Variants in LMO7 observed in about 807,000 individuals in gnomAD.
LMO7 encodes LIM domain 7.
A neutral mutation model predicts 206.5 loss-of-function variants in LMO7; 120 were observed. The observed-to-expected ratio is 0.58, with a 90% CI of 0.50 to 0.68. The LOEUF (loss-of-function observed/expected upper bound fraction) is 0.68. Ranked by LOEUF, LMO7 falls within the 30% of genes least tolerant of loss-of-function variation. LMO7 has a pLI of 0.00. For synonymous variants in LMO7, 706 were observed against 681.5 expected, an observed-to-expected ratio of 1.04 and a Z score of -0.56; for missense variants, 1,959 against 1,957.9, an observed-to-expected ratio of 1.00 and a Z score of -0.01.
At chr13:75,805,325 T>C (rs1309133295) in intron 8 of LMO7, 154 bp from the exon 9 acceptor site, 1 of 960,524 alleles carries the variant, frequency 1.0e-6, no homozygotes, top group African/African-American at 1.7e-5. Context: ...GCTGTTATAA[T>C]AACTTTGTCC....
chr13:75,816,891 C>G, intron 11 of LMO7: 1 of 250,834 alleles, frequency 4.0e-6, no homozygotes. Context: ...TGTTTGTTTG[C>G]TTGTTTTTTG....
rs186587590 is a variant in LMO7 at position 75,697,902 on chromosome 13, A to T, written c.70-15280A>T. 4.1e-4 allele frequency among the ~76,000 whole-genome samples: 63 copies of T among 152,274 alleles called. 1 individual carries two copies. The highest frequency in any genetic ancestry group is 7.2e-4 in the Admixed American group (11 of 15,286). ...AAGGCCCTAGAAAGAATCTAGGAAAAACTGTTTCTGCAAGTTGTTTGAGGA... is the reference window on the plus strand; with the variant it reads ...AAGGCCCTAGAAAGAATCTAGGAAATACTGTTTCTGCAAGTTGTTTGAGGA... On this transcript the variant is annotated intron_variant, in intron 1 of 30. Coordinates refer to ENST00000377534, the MANE Select transcript of LMO7 (RefSeq NM_001306080.2).
chr13:75,700,722 T>G lies in LMO7; in HGVS notation c.70-12460T>G, dbSNP rs759921771. Reference sequence around the variant, plus strand: ...CAAACCAAGAAGACTGCTAAGAGACTCATGGGCAGGGAGCACATGCAGTGT... The same window carrying G: ...CAAACCAAGAAGACTGCTAAGAGACGCATGGGCAGGGAGCACATGCAGTGT... On this transcript the variant is annotated intron_variant, in intron 1 of 30. Coordinates refer to ENST00000377534, the MANE Select transcript of LMO7 (RefSeq NM_001306080.2). 6.6e-5 allele frequency among the ~76,000 whole-genome samples: 10 copies of G among 152,218 alleles called. 1 individual carries two copies. The highest frequency in any genetic ancestry group is 1.3e-4 in the Non-Finnish European group (9 of 68,040).
At chr13:75,670,110 T>A (rs926301667) in intron 1 of LMO7, among the ~76,000 whole-genome samples, 1 of 152,166 alleles carries the variant, frequency 6.6e-6, no homozygotes, top group African/African-American at 2.4e-5. Context: ...TACATACACC[T>A]CTCTCCTCCT....
At chr13:75,829,297 A>T (rs1338949644) in intron 15 of LMO7, among the ~76,000 whole-genome samples, 1 of 152,198 alleles carries the variant, frequency 6.6e-6, no homozygotes, top group Non-Finnish European at 1.5e-5. Flanking sequence ...GAAAGCAAGA[A>T]TAGTGGGCAG....
At chr13:75,649,976 AC>A (rs1350851972) in intron 1 of LMO7, among the ~76,000 whole-genome samples, 4 of 151,988 alleles carry the variant, frequency 2.6e-5, no homozygotes, top group African/African-American at 9.7e-5. Flanking sequence ...AGTTCACAAT[AC>A]TTTAGTGGAG....
chr13:75,733,688 T>C (rs1456706231), intron 3 of LMO7, among the ~76,000 whole-genome samples: 1 of 152,228 alleles, frequency 6.6e-6, no homozygotes, highest in Non-Finnish European at 1.5e-5. Context: ...GTACTGCAGA[T>C]GGAAATGCAG....
rs1323169939 is a variant in LMO7, at chr13:75,823,751, T to C, written c.2827T>C (p.Ser943Pro). 6.2e-7 allele frequency: 1 copy of C among 1,614,106 alleles called. No individual in the cohort carries two copies. Among genetic ancestry groups the C allele is most frequent in the South Asian group, 1.1e-5 (1 of 91,076 alleles). The change falls in exon 15 of 31, where the codon TCT becomes CCT. Residue 943 changes from serine (S) to proline (P), a missense_variant. By Grantham distance (74) the Ser-to-Pro change is moderately conservative. Transcript: ENST00000377534. The stretch of plus-strand genomic sequence containing the variant: ...GCCCTCTCCTACATCCCCCTTCTCA[T>C]CTCTTTCCCAAGACCAGGCTGCCAC... ...RLPSPTSPFS[S>P]LSQDQAATSK... is the part of the protein sequence containing the mutation.
At chr13:75,795,985 TA>T (rs1383640960) in intron 5 of LMO7, among the ~76,000 whole-genome samples, 1 of 152,198 alleles carries the variant, frequency 6.6e-6, no homozygotes, top group African/African-American at 2.4e-5. Flanking sequence ...AAATTAAATT[TA>T]AAAACATATT....
chr13:75,705,647 G>A (rs1176338886), intron 1 of LMO7, among the ~76,000 whole-genome samples: 2 of 152,140 alleles, frequency 1.3e-5, no homozygotes, highest in Non-Finnish European at 2.9e-5. Flanking sequence ...TAAATAACTT[G>A]CTAATGAGTA....
chr13:75,629,699 A>C (rs1330950142), intron 2 of LMO7, among the ~76,000 whole-genome samples: 1 of 152,142 alleles, frequency 6.6e-6, no homozygotes, highest in African/African-American at 2.4e-5. Flanking sequence ...TTGGGGCAGG[A>C]GTGGGGAGTG....
chr13:75,684,606 G>T (rs1396931873), intron 1 of LMO7, among the ~76,000 whole-genome samples: 1 of 149,774 alleles, frequency 6.7e-6, no homozygotes, highest in Non-Finnish European at 1.5e-5. Context: ...CCTTTGGGAA[G>T]GACATAGGAG....
At chr13:75,675,888 GCACACACACACACA>G (rs3036374) in intron 1 of LMO7, among the ~76,000 whole-genome samples, 3 of 150,642 alleles carry the variant, frequency 2.0e-5, no homozygotes, top group Admixed American at 1.3e-4. Flanking sequence ...GCACGAGCGT[GCACACACACACACA>G]CACACACACA....
At chr13:75,807,218 C>T (rs1013244601) in intron 9 of LMO7, 12 of 414,370 alleles carry the variant, frequency 2.9e-5, no homozygotes, top group Admixed American at 1.8e-4. Context: ...CAGCCCCATC[C>T]GTGGCCTCCA....
chr13:75,798,376 C>G (rs894229846), intron 6 of LMO7, among the ~76,000 whole-genome samples: 2 of 152,114 alleles, frequency 1.3e-5, no homozygotes, highest in Admixed American at 1.3e-4. Context: ...AACAAAAAAC[C>G]ATGTGGGACT....
intron 3 of LMO7, among the ~76,000 whole-genome samples, chr13:75,749,931 ATC>A (rs1276472501): frequency 2.0e-5 from 3 of 151,662 alleles, no homozygotes; most frequent in African/African-American, 7.3e-5. Flanking sequence ...TTGACGTTGG[ATC>A]TCTGAGTGTT....
chr13:75,758,416 A>G (rs529760089), intron 3 of LMO7, among the ~76,000 whole-genome samples: 69 of 152,318 alleles, frequency 4.5e-4, no homozygotes, highest in African/African-American at 1.5e-3. Flanking sequence ...CTGAGACTAC[A>G]TTACCAATCT....
At chr13:75,718,481 CTT>C (rs899223894) in intron 2 of LMO7, among the ~76,000 whole-genome samples, 6 of 152,240 alleles carry the variant, frequency 3.9e-5, no homozygotes, top group African/African-American at 1.4e-4. Flanking sequence ...GTTTTGAAGA[CTT>C]TTTAAAAGAA....
chr13:75,835,364 T>C, intron 18 of LMO7, 25 bp downstream of exon 18: 1 of 1,501,402 alleles, frequency 6.7e-7, no homozygotes, highest in African/African-American at 1.4e-5. Flanking sequence ...AAGTAGGAAG[T>C]ACTGGTGTGG....
Sources: gnomAD v4.1 joint callset for allele counts (sites outside exome capture counted in the v4.1 genomes callset) on GRCh38, gnomAD v4.1.1 for gene constraint, MANE v1.5 for transcripts, NCBI Gene and HGNC (gene_info 2026-07-23, HGNC 2026-07-21) for gene names.